The following IL18 variants were observed in gnomAD, a reference collection of about 807,000 sequenced individuals.
IL18 encodes interleukin-18.
A neutral mutation model predicts 14.2 loss-of-function variants in IL18; 8 were observed. That is an observed-to-expected ratio of 0.56 (90% CI 0.33 to 1.01). IL18 has a LOEUF of 1.01. Among genes scored for constraint, IL18 ranks in the 50% least tolerant of loss-of-function variants. IL18 has a pLI of 0.03. For missense variants in IL18, 166 were observed against 231.1 expected, an observed-to-expected ratio of 0.72 and a Z score of 1.83; for synonymous variants, 67 against 71.0, an observed-to-expected ratio of 0.94 and a Z score of 0.28.
At chr11:112,162,519 T>C (rs183629293) in intron 1 of IL18, among the ~76,000 whole-genome samples, 2 of 152,058 alleles carry the variant, frequency 1.3e-5, no homozygotes, top group African/African-American at 4.8e-5. Flanking sequence ...AATTTTTGTA[T>C]GTTTTGGAGA....
At chr11:112,145,025 T>C (rs1294300308) in intron 5 of IL18, among the ~76,000 whole-genome samples, 2 of 152,234 alleles carry the variant, frequency 1.3e-5, no homozygotes, top group Non-Finnish European at 2.9e-5. Flanking sequence ...AACCAGTAGA[T>C]GTTTTGGACT....
intron 1 of IL18, among the ~76,000 whole-genome samples, chr11:112,161,260 G>C (rs1378308780): frequency 1.3e-5 from 2 of 152,086 alleles, no homozygotes; most frequent in Non-Finnish European, 2.9e-5. Context: ...GTTTTGTCTG[G>C]GGCAAGTCAC....
intron 1 of IL18, among the ~76,000 whole-genome samples, chr11:112,155,604 C>T (rs1203346563): frequency 2.0e-5 from 3 of 152,176 alleles, no homozygotes; most frequent in African/African-American, 7.2e-5. Flanking sequence ...GGCCCTCTTT[C>T]TCCCTGAGCT....
intron 1 of IL18, among the ~76,000 whole-genome samples, chr11:112,156,519 C>T (rs1213430538): frequency 6.6e-6 from 1 of 151,972 alleles, no homozygotes; most frequent in African/African-American, 2.4e-5. Flanking sequence ...CAACATCCAC[C>T]CCACCCCTCT....
chr11:112,146,474 C>A (rs1866345130), intron 5 of IL18, among the ~76,000 whole-genome samples: 1 of 152,180 alleles, frequency 6.6e-6, no homozygotes, highest in South Asian at 2.1e-4. Context: ...GTGCATGCCA[C>A]CATGCCTGGC....
Position 112,150,061 on chromosome 11 carries a change from A to T in IL18, c.226+11T>A, listed in dbSNP as rs202004905. The stretch of plus-strand genomic sequence containing the variant: ...CTAGTCATTTCTATGTTTGCGAATT[A>T]AAAAAAATACCTCTACAGTCAGAAT... On this transcript the variant is annotated intron_variant, in intron 4 of 5. Coordinates refer to ENST00000280357, the MANE Select transcript of IL18 (RefSeq NM_001562.4). 12 of 1,544,596 alleles carry T rather than the reference A, an allele frequency of 7.8e-6. No individual in the cohort carries two copies. Among genetic ancestry groups the T allele is most frequent in the East Asian group, 2.3e-5 (1 of 43,492 alleles).
intron 3 of IL18, among the ~76,000 whole-genome samples, chr11:112,152,791 A>G (rs1412056421): frequency 6.6e-6 from 1 of 152,238 alleles, no homozygotes; most frequent in Non-Finnish European, 1.5e-5. Flanking sequence ...GGTTGCTTCC[A>G]GCCATACTAC....
intron 1 of IL18, among the ~76,000 whole-genome samples, chr11:112,162,568 C>G (rs1866650963): frequency 6.6e-6 from 1 of 152,056 alleles, no homozygotes; most frequent in Non-Finnish European, 1.5e-5. Flanking sequence ...TGGTCTTGAA[C>G]TCCTGAGCTG....
At chr11:112,153,908 T>C (rs1779218234) in intron 2 of IL18, among the ~76,000 whole-genome samples, 1 of 152,190 alleles carries the variant, frequency 6.6e-6, no homozygotes, top group Non-Finnish European at 1.5e-5. Flanking sequence ...CTTTTAAATT[T>C]ATTGCTTAAA....
intron 1 of IL18, among the ~76,000 whole-genome samples, chr11:112,163,198 A>G (rs1348175389): frequency 6.6e-6 from 1 of 152,212 alleles, no homozygotes; most frequent in Admixed American, 6.5e-5. Context: ...AAAGAAAATT[A>G]TCTCGGGGAA....
Position 112,143,569 on chromosome 11 carries a change from A to C in IL18, c.*27T>G, listed in dbSNP as rs529011080. The C allele has an allele frequency of 1.3e-6, 2 of 1,509,954 alleles. No individual in the cohort carries two copies. Among genetic ancestry groups the C allele is most frequent in the East Asian group, 4.6e-5 (2 of 43,904 alleles). The allele number at this position is 1,509,954 out of a possible 1,614,324, so 93.5% of individuals were successfully genotyped here. ...AGGGCTGGGATTACAGGCGTGAGCC[A>C]CTGCGCCCGGCATGAAATTTTAATA... On this transcript the variant is annotated 3_prime_UTR_variant, in exon 6 of 6. Transcript: ENST00000280357.
intron 5 of IL18, among the ~76,000 whole-genome samples, chr11:112,144,432 AG>A (rs1305100352): frequency 3.3e-5 from 5 of 152,154 alleles, no homozygotes; most frequent in Non-Finnish European, 5.9e-5. Flanking sequence ...AGAAGGGGTC[AG>A]GGGGTATCTC....
In IL18 at chr11:112,154,976, T is replaced by A. The variant is rs1381138292; in HGVS notation, c.78A>T (p.Ile26=). 6.3e-7 allele frequency: 1 copy of A among 1,591,606 alleles called. No homozygotes were observed. Among genetic ancestry groups the A allele is most frequent in the Non-Finnish European group, 8.6e-7 (1 of 1,159,934 alleles). ...TTTGTTCTATGGCATTAGCCTTACC[T>A]ATAAAGTAAAGCGTATTGTCAATAA... ...MKFIDNTLYF[I]AEDDENLESD... The change falls in exon 2 of 6, where the codon ATA becomes ATT. Residue 26 remains isoleucine, a splice_region_variant and synonymous_variant. Coordinates refer to ENST00000280357, the MANE Select transcript of IL18 (RefSeq NM_001562.4).
intron 1 of IL18, among the ~76,000 whole-genome samples, chr11:112,162,610 G>A (rs1866652396): frequency 6.6e-6 from 1 of 152,126 alleles, no homozygotes; most frequent in African/African-American, 2.4e-5. Flanking sequence ...CTTCCAAAGT[G>A]TTGGGATTAC....
intron 1 of IL18, among the ~76,000 whole-genome samples, chr11:112,155,948 T>G (rs1202868606): frequency 1.3e-5 from 2 of 152,202 alleles, no homozygotes; most frequent in Non-Finnish European, 2.9e-5. Flanking sequence ...ACTCTGTCAT[T>G]AATAGAAATA....
chr11:112,148,565 A>G, intron 5 of IL18, 38 bp downstream of exon 5: 1 of 1,081,920 alleles, frequency 9.2e-7, no homozygotes, highest in Non-Finnish European at 1.3e-6. Context: ...TATTAATTAT[A>G]TTAACATGAT....
chr11:112,153,579 AT>A lies in IL18; in HGVS notation c.91+12del, dbSNP rs779982330. On this transcript the variant is annotated intron_variant, in intron 3 of 5. Transcript: ENST00000280357. Reference sequence around the variant, plus strand: ...TTAGTTTGCAAAGAAAAATAAATTCATTTCTACTTTACCATCATCTTCAGCT... The same window carrying A: ...TTAGTTTGCAAAGAAAAATAAATTCATTCTACTTTACCATCATCTTCAGCT... 6.5e-7 allele frequency: 1 copy of A among 1,536,528 alleles called. No homozygotes were observed. The highest frequency in any genetic ancestry group is 1.2e-5 in the South Asian group (1 of 83,238).
At chr11:112,148,515 A>G (rs1866379510) in intron 5 of IL18, 88 bp downstream of exon 5, 1 of 666,704 alleles carries the variant, frequency 1.5e-6, no homozygotes, top group African/African-American at 1.9e-5. Context: ...TAATTACATT[A>G]CTTATATTAA....
chr11:112,145,768 AAAAG>A (rs1188796130), intron 5 of IL18, among the ~76,000 whole-genome samples: 3 of 150,350 alleles, frequency 2.0e-5, no homozygotes, highest in Non-Finnish European at 3.0e-5. Context: ...AAAAAAGAAA[AAAAG>A]AAAGTTACAG....
Sources: allele counts gnomAD v4.1 joint callset (sites outside exome capture counted in the v4.1 genomes callset), GRCh38; gene constraint gnomAD v4.1.1; transcripts MANE v1.5; gene names NCBI Gene and HGNC (gene_info 2026-07-23, HGNC 2026-07-21).